CSMD1: variants seen among roughly 807,000 people sequenced by gnomAD.
CSMD1 encodes the protein CUB and Sushi multiple domains 1.
Under a neutral mutation model 417.5 loss-of-function variants are expected in CSMD1, and 213 were observed. The ratio of observed to expected loss-of-function variants is 0.51; its 90% CI spans 0.46 to 0.57. The LOEUF (loss-of-function observed/expected upper bound fraction) is 0.57, where lower values mean the gene tolerates loss of function less well. Ranked by LOEUF, CSMD1 falls within the 20% of genes least tolerant of loss-of-function variation. The probability of loss-of-function intolerance (pLI) is 0.00; values close to 1 mark genes in which losing one functional copy is unlikely to be tolerated. For missense variants in CSMD1, 6,923 were observed against 4,529.7 expected (o/e 1.53, Z -15.17); for synonymous variants, 2,862 against 1,736.8 (o/e 1.65, Z -16.11).
chr8:4,018,316 G>A (rs918770377), intron 4 of CSMD1, among the ~76,000 whole-genome samples: 1 of 151,936 alleles, frequency 6.6e-6, no homozygotes, highest in Non-Finnish European at 1.5e-5. Flanking sequence ...TTTTTATCAA[G>A]GCCTGGCTTA....
At chr8:4,052,581 C>G (rs572660667) in intron 3 of CSMD1, among the ~76,000 whole-genome samples, 1 of 152,172 alleles carries the variant, frequency 6.6e-6, no homozygotes, top group African/African-American at 2.4e-5. Flanking sequence ...TCACGAAATT[C>G]TTGCCTTTCC....
Position 2,938,611 on chromosome 8 carries a change from G to C in CSMD1, c.10669C>G (p.Leu3557Val), listed in dbSNP as rs1026377174. ...EAKAVRFDTTLNTVCTVV is the reference protein window; with the variant it reads ...EAKAVRFDTTVNTVCTVV ...TATACCACTGTACAGACTGTGTTCAGAGTTGTGTCAAACCTCACAGCCTTG... is the reference window on the plus strand; with the variant it reads ...TATACCACTGTACAGACTGTGTTCACAGTTGTGTCAAACCTCACAGCCTTG... Residue 3557 changes from leucine (L) to valine (V), a missense_variant, in exon 70 of 70, where the codon CTG (leucine) becomes GTG (valine). Transcript: ENST00000635120. The C allele has an allele frequency of 8.7e-6, 14 of 1,612,222 alleles. No individual in the cohort carries two copies. In the African/African-American group the frequency reaches 1.1e-4, roughly 12 times the overall value.
chr8:4,297,105 G>A (rs893827933), intron 3 of CSMD1, among the ~76,000 whole-genome samples: 5 of 151,908 alleles, frequency 3.3e-5, no homozygotes, highest in South Asian at 2.1e-4. Context: ...CTAGAGCATC[G>A]TAGGTGTAAT....
chr8:4,450,623 C>T (rs1157347005), intron 2 of CSMD1, among the ~76,000 whole-genome samples: 2 of 152,078 alleles, frequency 1.3e-5, no homozygotes, highest in Non-Finnish European at 2.9e-5. Flanking sequence ...GAGTGACACT[C>T]AGTCTCCAAA....
chr8:4,768,198 G>A (rs1396045338), intron 1 of CSMD1, among the ~76,000 whole-genome samples: 2 of 152,250 alleles, frequency 1.3e-5, no homozygotes, highest in Non-Finnish European at 2.9e-5. Context: ...TTGGGAAGAT[G>A]CCTTTTATGT....
intron 1 of CSMD1, among the ~76,000 whole-genome samples, chr8:4,642,952 A>C (rs2130872495): frequency 6.6e-6 from 1 of 152,346 alleles, no homozygotes; most frequent in East Asian, 1.9e-4. Context: ...ACAAACGAGG[A>C]AACGAGTCAT....
intron 5 of CSMD1, among the ~76,000 whole-genome samples, chr8:3,806,208 G>C (rs1183123143): frequency 4.6e-5 from 7 of 152,120 alleles, no homozygotes; most frequent in Admixed American, 3.3e-4. Context: ...GAGTGCTTTG[G>C]ATTTTTCTTC....
chr8:3,889,656 T>G (rs1489670336), intron 5 of CSMD1, among the ~76,000 whole-genome samples: 1 of 151,194 alleles, frequency 6.6e-6, no homozygotes, highest in Non-Finnish European at 1.5e-5. Context: ...TGGAAGTTGG[T>G]CCTATCTACT....
chr8:4,121,974 T>C (rs567326826), intron 3 of CSMD1, among the ~76,000 whole-genome samples: 38 of 152,134 alleles, frequency 2.5e-4, no homozygotes, highest in African/African-American at 7.9e-4. Flanking sequence ...ATAATGCTTA[T>C]GTATAGATTT....
chr8:4,064,630 T>C (rs978010057), intron 3 of CSMD1, among the ~76,000 whole-genome samples: 2 of 152,202 alleles, frequency 1.3e-5, no homozygotes, highest in African/African-American at 4.8e-5. Context: ...ACCTGTGCCT[T>C]CACATACATG....
At position 3,867,668 on chromosome 8, in the gene CSMD1, T is replaced by G. The variant is rs1805196222; in HGVS notation, c.819-113626A>C. 1.3e-5 allele frequency among the ~76,000 whole-genome samples: 2 copies of G among 152,180 alleles called. 1 individual carries two copies. The highest frequency in any genetic ancestry group is 4.1e-4 in the South Asian group (2 of 4,828). Reference sequence around the variant, plus strand: ...CTATGTATAGTATCTTGGTTAATCTTCACAGAAACCTAGAACCATGTACTA... The same window carrying G: ...CTATGTATAGTATCTTGGTTAATCTGCACAGAAACCTAGAACCATGTACTA... On this transcript the variant is annotated intron_variant, in intron 5 of 69. Coordinates refer to ENST00000635120, the MANE Select transcript of CSMD1 (RefSeq NM_033225.6).
intron 3 of CSMD1, among the ~76,000 whole-genome samples, chr8:4,057,289 G>C (rs564464275): frequency 1.9e-4 from 29 of 152,258 alleles, no homozygotes; most frequent in Admixed American, 5.2e-4. Flanking sequence ...GCCAGTGATG[G>C]TGAGCATTTT....
chr8:3,434,216 T>A (rs1370633351), intron 12 of CSMD1, among the ~76,000 whole-genome samples: 1 of 152,218 alleles, frequency 6.6e-6, no homozygotes, highest in Non-Finnish European at 1.5e-5. Flanking sequence ...CCAGCGTCCT[T>A]TCAGAATATT....
chr8:4,555,012 C>T (rs527847919), intron 2 of CSMD1, among the ~76,000 whole-genome samples: 24 of 152,240 alleles, frequency 1.6e-4, no homozygotes, highest in South Asian at 1.4e-3. Flanking sequence ...AAGGAGAGCA[C>T]GCAAGTAAGA....
chr8:4,812,798 T>C (rs919730075), intron 1 of CSMD1, among the ~76,000 whole-genome samples: 2 of 152,236 alleles, frequency 1.3e-5, no homozygotes, highest in African/African-American at 2.4e-5. Flanking sequence ...GATGCTCTTA[T>C]GGAGGAAAAC....
chr8:4,242,988 G>A (rs1390717124), intron 3 of CSMD1, among the ~76,000 whole-genome samples: 2 of 152,112 alleles, frequency 1.3e-5, no homozygotes, highest in African/African-American at 2.4e-5. Context: ...TGTAGTGAAG[G>A]CACTAACTTG....
rs116967135 is a variant in CSMD1 at position 4,170,656 on chromosome 8, G to A, written c.416-138557C>T. On this transcript the variant is annotated intron_variant, in intron 3 of 69. Coordinates refer to ENST00000635120, the MANE Select transcript of CSMD1 (RefSeq NM_033225.6). ...TTTGTTTTATTACATTCACTTAAGA[G>A]AAGTAGAATAAGTTGGAGGAGCTAG... is the stretch of plus-strand genomic sequence containing the variant. Among the ~76,000 whole-genome samples the A allele has an allele frequency of 5.4e-3, 825 of 151,770 alleles. 5 individuals carry two copies. Among genetic ancestry groups the A allele is most frequent in the Middle Eastern group, 0.01 (3 of 292 alleles).
intron 21 of CSMD1, among the ~76,000 whole-genome samples, chr8:3,353,455 G>T (rs1244259852): frequency 3.3e-5 from 5 of 152,102 alleles, no homozygotes; most frequent in Non-Finnish European, 7.4e-5. Context: ...CCAAAGCTGT[G>T]CAGGTGGCCT....
At chr8:4,834,485 G>GTT (rs1307916802) in intron 1 of CSMD1, among the ~76,000 whole-genome samples, 9 of 152,178 alleles carry the variant, frequency 5.9e-5, no homozygotes, top group Non-Finnish European at 8.8e-5. Context: ...GGCAGGCAGT[G>GTT]AAGTTCGAGC....
Sources: allele counts gnomAD v4.1 joint callset (sites outside exome capture counted in the v4.1 genomes callset), GRCh38; gene constraint gnomAD v4.1.1; transcripts MANE v1.5; gene names NCBI Gene and HGNC (gene_info 2026-07-23, HGNC 2026-07-21).